The following SYN3 variants were observed in gnomAD, a reference collection of about 807,000 sequenced individuals.
The protein encoded by SYN3 is synapsin-3.
SYN3 carries 35 observed loss-of-function variants against 65.8 expected under a neutral mutation model. The observed-to-expected ratio is 0.53, with a 90% CI of 0.41 to 0.70. The LOEUF (loss-of-function observed/expected upper bound fraction) is 0.70, where lower values mean the gene tolerates loss of function less well. SYN3 is among the 30% of genes least tolerant of loss of function. The pLI is 0.00. For synonymous variants in SYN3, 270 were observed against 292.9 expected (o/e 0.92, Z 0.80); for missense variants, 680 against 749.0 (o/e 0.91, Z 1.08).
chr22:32,810,133 CA>C (rs1452036001), intron 6 of SYN3, among the ~76,000 whole-genome samples: 1 of 152,190 alleles, frequency 6.6e-6, no homozygotes, highest in Non-Finnish European at 1.5e-5. Context: ...TACTGTTTGA[CA>C]GGAGGCCCAC....
At chr22:32,663,541 A>G (rs1252345682) in intron 6 of SYN3, among the ~76,000 whole-genome samples, 1 of 151,880 alleles carries the variant, frequency 6.6e-6, no homozygotes, top group Non-Finnish European at 1.5e-5. Flanking sequence ...CTCGTGATCC[A>G]CCTGCCTCGG....
chr22:32,974,827 T>C (rs750386232), intron 3 of SYN3, among the ~76,000 whole-genome samples: 12 of 152,216 alleles, frequency 7.9e-5, no homozygotes, highest in Non-Finnish European at 1.5e-4. Flanking sequence ...CATATTACAT[T>C]AACTCATTTT....
At chr22:32,666,817 G>C (rs2060295648) in intron 6 of SYN3, among the ~76,000 whole-genome samples, 1 of 152,150 alleles carries the variant, frequency 6.6e-6, no homozygotes, top group Admixed American at 6.5e-5. Flanking sequence ...AAATATCTAA[G>C]CCTGCCTTGC....
At position 33,046,656 on chromosome 22, in the gene SYN3, CATG is replaced by C. The variant is rs536681297; in HGVS notation, c.-163+11633_-163+11635del. ...AGGAGCTCGAGACCAGCCTGGCCAA[CATG>C]GTAAAACCCTGTCTTTACTAAAAAT... On this transcript the variant is annotated intron_variant, in intron 1 of 13. Transcript: ENST00000358763. Among the ~76,000 whole-genome samples, 21 of 152,110 alleles carry C rather than the reference CATG, an allele frequency of 1.4e-4. No homozygotes were observed. In the East Asian group the frequency reaches 4.1e-3, roughly 29 times the overall value.
At chr22:33,034,236 A>G (rs142632238) in intron 1 of SYN3, among the ~76,000 whole-genome samples, 2 of 151,134 alleles carry the variant, frequency 1.3e-5, no homozygotes, top group East Asian at 4.0e-4. Flanking sequence ...GGATATCTGT[A>G]TGTACTACTT....
intron 4 of SYN3, among the ~76,000 whole-genome samples, chr22:32,903,287 C>A (rs2049811969): frequency 6.6e-6 from 1 of 152,182 alleles, no homozygotes; most frequent in Non-Finnish European, 1.5e-5. Flanking sequence ...ACATGCCTGG[C>A]ACATAGTAAA....
At chr22:32,731,680 C>A (rs770768033) in intron 6 of SYN3, among the ~76,000 whole-genome samples, 1 of 152,162 alleles carries the variant, frequency 6.6e-6, no homozygotes, top group Non-Finnish European at 1.5e-5. Flanking sequence ...ATAGTAGATG[C>A]AGGATCAAGA....
intron 6 of SYN3, among the ~76,000 whole-genome samples, chr22:32,793,556 A>T (rs1399727944): frequency 6.6e-6 from 1 of 152,182 alleles, no homozygotes; most frequent in Non-Finnish European, 1.5e-5. Context: ...GAACAGTTCT[A>T]TGCCTTGTTC....
chr22:32,606,632 C>T (rs2059375943), intron 6 of SYN3, among the ~76,000 whole-genome samples: 1 of 152,014 alleles, frequency 6.6e-6, no homozygotes, highest in African/African-American at 2.4e-5. Flanking sequence ...CCCATCTTAC[C>T]CACACTCCCC....
intron 1 of SYN3, among the ~76,000 whole-genome samples, chr22:33,053,849 C>G (rs1291137689): frequency 6.6e-6 from 1 of 152,184 alleles, no homozygotes; most frequent in Non-Finnish European, 1.5e-5. Flanking sequence ...GCCATGTCTA[C>G]TTTCTCCACT....
At chr22:32,935,289 C>CTCTCTT (rs1205504027) in intron 3 of SYN3, among the ~76,000 whole-genome samples, 2 of 101,694 alleles carry the variant, frequency 2.0e-5, no homozygotes, top group African/African-American at 5.4e-5. Flanking sequence ...CTCTCTTTCT[C>CTCTCTT]TCTCTCTCTC....
chr22:32,586,496 G>A (rs1347696320), intron 7 of SYN3, among the ~76,000 whole-genome samples: 1 of 152,030 alleles, frequency 6.6e-6, no homozygotes, highest in East Asian at 1.9e-4. Context: ...TATCACTTAG[G>A]AAGACTAGAC....
chr22:32,525,910 C>T (rs1437075456), intron 12 of SYN3, among the ~76,000 whole-genome samples: 1 of 152,142 alleles, frequency 6.6e-6, no homozygotes, highest in South Asian at 2.1e-4. Flanking sequence ...TGAGTCAATG[C>T]ATGCAGCTAA....
chr22:32,606,848 ATAAT>A (rs1242998328), intron 6 of SYN3, among the ~76,000 whole-genome samples: 5 of 151,338 alleles, frequency 3.3e-5, no homozygotes, highest in South Asian at 4.2e-4. Context: ...TATTTAAAAA[ATAAT>A]TATTTATTTA....
chr22:32,765,754 CAA>C (rs2045607844), intron 6 of SYN3, among the ~76,000 whole-genome samples: 1 of 152,024 alleles, frequency 6.6e-6, no homozygotes, highest in Non-Finnish European at 1.5e-5. Context: ...TGCACAGAGA[CAA>C]AGATTGGGTG....
chr22:32,727,463 C>T (rs562610612), intron 6 of SYN3, among the ~76,000 whole-genome samples: 1 of 152,312 alleles, frequency 6.6e-6, no homozygotes, highest in African/African-American at 2.4e-5. Context: ...GTGCTGCATA[C>T]ACATATCTTT....
chr22:32,567,051 G>A (rs781775373), intron 7 of SYN3, among the ~76,000 whole-genome samples: 1 of 152,138 alleles, frequency 6.6e-6, no homozygotes, highest in Non-Finnish European at 1.5e-5. Context: ...TGGGAAGGAC[G>A]TGGGGCTTGA....
chr22:32,552,705 TAA>T (rs2058435635), intron 7 of SYN3, among the ~76,000 whole-genome samples: 1 of 152,198 alleles, frequency 6.6e-6, no homozygotes, highest in South Asian at 2.1e-4. Context: ...ACGAGGTGCC[TAA>T]GAGATTTACA....
chr22:32,685,821 G>GT (rs2060581630), intron 6 of SYN3, among the ~76,000 whole-genome samples: 1 of 152,136 alleles, frequency 6.6e-6, no homozygotes, highest in Non-Finnish European at 1.5e-5. Flanking sequence ...AATAATCAGA[G>GT]TTGAGATGTA....
Sources: allele counts gnomAD v4.1 joint callset (sites outside exome capture counted in the v4.1 genomes callset), GRCh38; gene constraint gnomAD v4.1.1; transcripts MANE v1.5; gene names NCBI Gene and HGNC (gene_info 2026-07-23, HGNC 2026-07-21).